The following COL4A6 variants were observed in gnomAD, a reference collection of about 807,000 sequenced individuals.
COL4A6 encodes the protein collagen type IV alpha 6 chain, also known as collagen alpha-6(IV) chain.
Under a neutral mutation model 126.7 loss-of-function variants are expected in COL4A6, and 59 were observed. The observed-to-expected ratio is 0.47, with a 90% CI of 0.38 to 0.58. The LOEUF (loss-of-function observed/expected upper bound fraction) is 0.58. Ranked by LOEUF, COL4A6 falls within the 20% of genes least tolerant of loss-of-function variation. The pLI is 0.00. For synonymous variants in COL4A6, 547 were observed against 496.6 expected (o/e 1.10, Z -1.35); for missense variants, 1,285 against 1,337.3 (o/e 0.96, Z 0.61).
At chrX:108,339,873 T>C (rs920415910) in intron 2 of COL4A6, among the ~76,000 whole-genome samples, 1 of 111,124 alleles carries the variant, frequency 9.0e-6, no homozygotes, top group East Asian at 2.8e-4. Flanking sequence ...TCTTTAGTTA[T>C]CTTATTTTCT....
intron 2 of COL4A6, among the ~76,000 whole-genome samples, chrX:108,428,582 T>A (rs188033564): frequency 8.1e-5 from 9 of 110,924 alleles, no homozygotes; most frequent in African/African-American, 2.9e-4. Flanking sequence ...GGTACTAGGC[T>A]TAGTACTGGG....
chrX:108,249,752 T>A (rs1267048036), intron 3 of COL4A6, among the ~76,000 whole-genome samples: 2 of 111,121 alleles, frequency 1.8e-5, no homozygotes, highest in Non-Finnish European at 3.8e-5. Context: ...GGATTTTTTT[T>A]AACCACACAA....
intron 3 of COL4A6, among the ~76,000 whole-genome samples, chrX:108,274,940 G>A (rs2037557159): frequency 9.0e-6 from 1 of 111,277 alleles, no homozygotes; most frequent in Admixed American, 9.6e-5. Context: ...CATATTCACA[G>A]GTCCCACCCA....
At chrX:108,362,428 G>A (rs970129724) in intron 2 of COL4A6, among the ~76,000 whole-genome samples, 7 of 112,019 alleles carry the variant, frequency 6.2e-5, no homozygotes, top group Admixed American at 4.7e-4. Flanking sequence ...TACTCATAGG[G>A]ATAAACTGGG....
chrX:108,438,438 G>T, upstream of COL4A6: 1 of 1,005,568 alleles, frequency 9.9e-7, no homozygotes, highest in South Asian at 4.1e-5. Flanking sequence ...CATGCAGCAG[G>T]AGAGGAAAGA....
At chrX:108,437,650 G>C (rs918331824) in intron 2 of COL4A6, among the ~76,000 whole-genome samples, 11 of 111,879 alleles carry the variant, frequency 9.8e-5, no homozygotes, top group African/African-American at 3.6e-4. Flanking sequence ...ATTGATGCTA[G>C]TCATCTTAAG....
In COL4A6 at chrX:108,187,888, T is replaced by C. The variant is rs779086705; in HGVS notation, c.1727A>G (p.Lys576Arg). The C allele has an allele frequency of 8.3e-6, 10 of 1,207,440 alleles. No individual in the cohort carries two copies. In the Admixed American group the frequency reaches 2.2e-4, roughly 26 times the overall value. ...GFRGVIGEPG[K>R]DGVPGLPGLP... ...ACCTGGTAAACCTGGTACTCCGTCC[T>C]TGCCTGGTTCTCCTATTACACCACG... The change falls in exon 22 of 45, where the codon AAG becomes AGG. Residue 576 changes from lysine to arginine, a missense_variant. Physicochemically the swap from Lys to Arg is conservative, Grantham distance 26. Transcript: ENST00000334504.
chrX:108,411,440 A>G (rs780565827), intron 2 of COL4A6, among the ~76,000 whole-genome samples: 3 of 111,889 alleles, frequency 2.7e-5, no homozygotes, highest in Admixed American at 9.5e-5. Context: ...GCCTGTGTAC[A>G]TATACACTAG....
At chrX:108,378,161 A>G (rs1020685710) in intron 2 of COL4A6, among the ~76,000 whole-genome samples, 6 of 110,728 alleles carry the variant, frequency 5.4e-5, no homozygotes, top group African/African-American at 2.0e-4. Context: ...GGGATCATAA[A>G]TAATTTCCCC....
chrX:108,278,209 A>G (rs1249881996), intron 3 of COL4A6, among the ~76,000 whole-genome samples: 1 of 111,990 alleles, frequency 8.9e-6, no homozygotes, highest in African/African-American at 3.3e-5. Flanking sequence ...ACAGGAGGAA[A>G]TTCAAACCAA....
chrX:108,169,731 G>A (rs2034242742), intron 36 of COL4A6, 111 bp from the exon 37 acceptor site: 31 of 1,003,926 alleles, frequency 3.1e-5, no homozygotes, highest in Non-Finnish European at 4.0e-5. Context: ...CAGAGGCAGA[G>A]TACTGAAGTA....
rs377029401 is a variant in COL4A6, at chrX:108,343,113, G to A, written c.64-32285C>T. On this transcript the variant is annotated intron_variant, in intron 2 of 44. Transcript: ENST00000334504. ...ATACTACAAAGGAAAGGAAAAGAGC[G>A]CTATGAAAAAGATTAATGGGAATAT... 4.3e-3 allele frequency among the ~76,000 whole-genome samples: 418 copies of A among 97,804 alleles called. 1 individual carries two copies. The highest frequency in any genetic ancestry group is 0.023 in the East Asian group (71 of 3,023). 84.9% of individuals were successfully genotyped at this position (97,804 alleles called of 115,157 possible). A position where few individuals can be genotyped will look rare whatever the true frequency, so the allele number is the denominator to read the frequency against.
Position 108,188,543 on chromosome X carries a change from C to T in COL4A6, c.1561G>A (p.Gly521Ser), listed in dbSNP as rs998483258. ...KGARGDRGSG[G>S]AQGPAGAPGL... is the part of the protein sequence containing the mutation. The stretch of plus-strand genomic sequence containing the variant: ...GGAGCCCCTGCTGGGCCCTGTGCAC[C>T]CCCAGAGCCTCGATCTCCTCTGGCT... The change falls in exon 21 of 45, where the codon GGT becomes AGT. Residue 521 changes from glycine (G) to serine (S), a missense_variant. By Grantham distance (56) the Gly-to-Ser change is moderately conservative. Transcript: ENST00000334504. The T allele has an allele frequency of 1.9e-5, 22 of 1,161,753 alleles. No individual in the cohort carries two copies. Among genetic ancestry groups the T allele is most frequent in the Non-Finnish European group, 2.5e-5 (22 of 870,766 alleles).
intron 2 of COL4A6, among the ~76,000 whole-genome samples, chrX:108,349,820 T>C (rs761896593): frequency 8.9e-6 from 1 of 111,961 alleles, no homozygotes; most frequent in Admixed American, 9.5e-5. Flanking sequence ...TAAATACAGA[T>C]AATAGAAGGG....
At chrX:108,292,993 CAAAAAA>C (rs149076547) in intron 3 of COL4A6, among the ~76,000 whole-genome samples, 32 of 14,559 alleles carry the variant, frequency 2.2e-3, no homozygotes, top group African/African-American at 7.1e-3. Flanking sequence ...AGGAAAAAAG[CAAAAAA>C]AAAAAAAAAA....
In COL4A6 at chrX:108,174,491, G is replaced by A; in HGVS notation, c.3087C>T (p.Gly1029=). Residue 1029 remains glycine, a synonymous_variant, in exon 31 of 45, where the codon GGC becomes GGT. Transcript: ENST00000334504. ...CTGTGATCCCAGAGGACCCCTTCAG[G>A]CCAGGTAAGCCCCGGATTCCCATGA... ...PGFMGIRGLP[G]LKGSSGITGF... 1 of 1,211,225 alleles carries A rather than the reference G, an allele frequency of 8.3e-7. No individual in the cohort carries two copies. Among genetic ancestry groups the A allele is most frequent in the Non-Finnish European group, 1.1e-6 (1 of 895,161 alleles).
intron 10 of COL4A6, 23 bp downstream of exon 10, chrX:108,205,637 G>T: frequency 1.7e-6 from 2 of 1,203,212 alleles, no homozygotes; most frequent in Non-Finnish European, 2.2e-6. Context: ...GAAGCAAAAT[G>T]CCCTAAGACA....
intron 2 of COL4A6, among the ~76,000 whole-genome samples, chrX:108,414,070 G>A (rs1330894927): frequency 8.9e-6 from 1 of 112,250 alleles, no homozygotes; most frequent in Non-Finnish European, 1.9e-5. Flanking sequence ...AAACCTCTGA[G>A]TTATGCTCAG....
chrX:108,280,171 C>CA (rs1335005348), intron 3 of COL4A6, among the ~76,000 whole-genome samples: 1 of 111,007 alleles, frequency 9.0e-6, no homozygotes, highest in African/African-American at 3.3e-5. Context: ...AATAGAGACA[C>CA]AAAAAACCCT....
Sources: gnomAD v4.1 joint callset for allele counts (sites outside exome capture counted in the v4.1 genomes callset) on GRCh38, gnomAD v4.1.1 for gene constraint, MANE v1.5 for transcripts, NCBI Gene and HGNC (gene_info 2026-07-23, HGNC 2026-07-21) for gene names.